Variants in CACNB2 observed in about 807,000 individuals in gnomAD.
CACNB2 encodes the protein calcium voltage-gated channel auxiliary subunit beta 2, also known as voltage-dependent L-type calcium channel subunit beta-2.
In CACNB2, 42 loss-of-function variants were observed where a neutral mutation model predicts 73.3. That is an observed-to-expected ratio of 0.57 (90% CI 0.45 to 0.74). The LOEUF is 0.74. Ranked by LOEUF, CACNB2 falls within the 30% of genes least tolerant of loss-of-function variation. CACNB2 has a pLI of 0.00. For synonymous variants in CACNB2, 348 were observed against 310.3 expected (o/e 1.12, Z -1.28); for missense variants, 940 against 853.0 (o/e 1.10, Z -1.27).
chr10:18,339,137 C>T (rs2041134428), intron 2 of CACNB2, among the ~76,000 whole-genome samples: 1 of 152,040 alleles, frequency 6.6e-6, no homozygotes, highest in South Asian at 2.1e-4. Context: ...TGGGTATGTA[C>T]TGAGGGGTGG....
intron 2 of CACNB2, among the ~76,000 whole-genome samples, chr10:18,339,454 G>C (rs1564449251): frequency 6.6e-6 from 1 of 152,186 alleles, no homozygotes; most frequent in East Asian, 1.9e-4. Flanking sequence ...CTGAGAGGCA[G>C]AGGTTGCAGT....
intron 2 of CACNB2, among the ~76,000 whole-genome samples, chr10:18,247,742 A>G (rs1325545423): frequency 3.9e-5 from 6 of 152,200 alleles, no homozygotes; most frequent in Admixed American, 6.5e-5. Flanking sequence ...GTCTGGTGAC[A>G]AACTCTCCCC....
chr10:18,498,027 A>C (rs1487176606), intron 3 of CACNB2, among the ~76,000 whole-genome samples: 2 of 152,172 alleles, frequency 1.3e-5, no homozygotes, highest in African/African-American at 4.8e-5. Context: ...GATTTTATTC[A>C]TGTTTGTGTT....
At chr10:18,238,433 C>T (rs1368841134) in intron 2 of CACNB2, 1 of 152,124 alleles carries the variant, frequency 6.6e-6, no homozygotes, top group Non-Finnish European at 1.5e-5. Context: ...TTATCAGAAA[C>T]ACACTTCATT....
intron 2 of CACNB2, among the ~76,000 whole-genome samples, chr10:18,264,569 G>T (rs996890489): frequency 1.3e-5 from 2 of 152,132 alleles, no homozygotes; most frequent in East Asian, 3.8e-4. Context: ...TAACATGGTG[G>T]ATTGGTTTTT....
intron 2 of CACNB2, among the ~76,000 whole-genome samples, chr10:18,251,744 A>C (rs1035387604): frequency 6.6e-6 from 1 of 152,232 alleles, no homozygotes; most frequent in Non-Finnish European, 1.5e-5. Flanking sequence ...AAGGGGAAGC[A>C]ACCACATCTT....
chr10:18,405,898 C>A (rs897319429), intron 3 of CACNB2, among the ~76,000 whole-genome samples: 1 of 152,110 alleles, frequency 6.6e-6, no homozygotes, highest in African/African-American at 2.4e-5. Context: ...GGAAAGGTTG[C>A]AGTGAGCTGA....
At chr10:18,266,888 C>CTAAA (rs1378877864) in intron 2 of CACNB2, among the ~76,000 whole-genome samples, 2 of 151,932 alleles carry the variant, frequency 1.3e-5, no homozygotes, top group East Asian at 1.9e-4. Context: ...GACTCTATCT[C>CTAAA]TAAATAAATA....
intron 2 of CACNB2, among the ~76,000 whole-genome samples, chr10:18,193,468 T>C (rs1302135239): frequency 1.3e-5 from 2 of 152,178 alleles, no homozygotes; most frequent in Non-Finnish European, 2.9e-5. Flanking sequence ...CCTTTTAATG[T>C]AGAAGGAAAA....
At chr10:18,235,317 G>T (rs917692633) in intron 2 of CACNB2, among the ~76,000 whole-genome samples, 20 of 151,630 alleles carry the variant, frequency 1.3e-4, no homozygotes, top group Non-Finnish European at 1.3e-4. Flanking sequence ...AATTAGCCAG[G>T]CACAGCAGTG....
intron 2 of CACNB2, among the ~76,000 whole-genome samples, chr10:18,397,494 G>C (rs762315340): frequency 6.6e-6 from 1 of 151,744 alleles, no homozygotes; most frequent in Non-Finnish European, 1.5e-5. Flanking sequence ...AAAGGGTGAC[G>C]CTTTCTTGTG....
chr10:18,243,586 G>A (rs777914614), intron 2 of CACNB2, among the ~76,000 whole-genome samples: 3 of 152,214 alleles, frequency 2.0e-5, no homozygotes, highest in Non-Finnish European at 4.4e-5. Flanking sequence ...CATGAGGACA[G>A]ATTTCTTATG....
At chr10:18,217,882 T>C (rs1306342826) in intron 2 of CACNB2, among the ~76,000 whole-genome samples, 1 of 152,108 alleles carries the variant, frequency 6.6e-6, no homozygotes, top group Non-Finnish European at 1.5e-5. Flanking sequence ...AGGAAATGCT[T>C]GCCCCTGCGT....
intron 2 of CACNB2, among the ~76,000 whole-genome samples, chr10:18,185,567 A>G (rs1039593798): frequency 6.6e-6 from 1 of 152,204 alleles, no homozygotes; most frequent in African/African-American, 2.4e-5. Context: ...CACAGTTTCT[A>G]GCAGGGTACT....
At chr10:18,362,313 A>G (rs1432659417) in intron 2 of CACNB2, among the ~76,000 whole-genome samples, 1 of 152,166 alleles carries the variant, frequency 6.6e-6, no homozygotes, top group Non-Finnish European at 1.5e-5. Flanking sequence ...ATTTTGTTTC[A>G]GTTATAGCTA....
chr10:18,422,513 G>A (rs2045378514), intron 3 of CACNB2, among the ~76,000 whole-genome samples: 1 of 152,180 alleles, frequency 6.6e-6, no homozygotes, highest in African/African-American at 2.4e-5. Context: ...TCCTGGTCTA[G>A]CATGCTATTG....
chr10:18,335,105 A>C (rs960987934), intron 2 of CACNB2, among the ~76,000 whole-genome samples: 2 of 151,906 alleles, frequency 1.3e-5, no homozygotes, highest in African/African-American at 4.8e-5. Context: ...ATCTAATGTG[A>C]AAATTTGTCA....
intron 2 of CACNB2, among the ~76,000 whole-genome samples, chr10:18,184,989 A>G (rs972399634): frequency 4.6e-5 from 7 of 152,168 alleles, no homozygotes; most frequent in Non-Finnish European, 7.4e-5. Context: ...ACAGGCATGC[A>G]CCACCACGCC....
intron 2 of CACNB2, among the ~76,000 whole-genome samples, chr10:18,173,398 T>C (rs1275314617): frequency 1.3e-5 from 2 of 152,234 alleles, no homozygotes; most frequent in African/African-American, 2.4e-5. Context: ...GTAAACTCTA[T>C]ACATGTTGGC....
Sources: allele counts gnomAD v4.1 joint callset (sites outside exome capture counted in the v4.1 genomes callset), GRCh38; gene constraint gnomAD v4.1.1; transcripts MANE v1.5; gene names NCBI Gene and HGNC (gene_info 2026-07-23, HGNC 2026-07-21).